Variants in PAX2 observed in about 807,000 individuals in gnomAD.
PAX2 encodes paired box protein Pax-2.
Under a neutral mutation model 41.7 loss-of-function variants are expected in PAX2, and 9 were observed. That is an observed-to-expected ratio of 0.22 (90% CI 0.13 to 0.38). The LOEUF is 0.38. PAX2 is among the 10% of genes least tolerant of loss of function. PAX2 has a pLI of 1.00. For synonymous variants in PAX2, 221 were observed against 212.7 expected, an observed-to-expected ratio of 1.04 and a Z score of -0.34; for missense variants, 418 against 531.6, an observed-to-expected ratio of 0.79 and a Z score of 2.10.
At chr10:100,772,326 G>A (rs979418006) in intron 3 of PAX2, among the ~76,000 whole-genome samples, 18 of 151,948 alleles carry the variant, frequency 1.2e-4, no homozygotes, top group Non-Finnish European at 1.9e-4. Flanking sequence ...GCTAATTTTT[G>A]TATTTTCAGT....
At position 100,824,818 on chromosome 10, in the gene PAX2, G is replaced by A. The variant is rs1464151413; in HGVS notation, c.1021+69G>A. 2.7e-6 allele frequency: 4 copies of A among 1,492,956 alleles called. No homozygotes were observed. The highest frequency in any genetic ancestry group is 3.7e-6 in the Non-Finnish European group (4 of 1,069,716). 92.5% of individuals were successfully genotyped at this position (1,492,956 alleles called of 1,614,324 possible). A position where few individuals can be genotyped will look rare whatever the true frequency, so the allele number is the denominator to read the frequency against. ...TAAATTGTGGGTGAGCTGCTGAATG[G>A]TCTGTAGTCTGAGGCTGGGGTGGGG... On this transcript the variant is annotated intron_variant, in intron 8 of 9. Transcript: ENST00000355243. The surrounding 1 kb of genome is among the most constrained non-coding windows in gnomAD (Gnocchi z 6.6).
At position 100,745,715 on chromosome 10, in the gene PAX2, G is replaced by T. The variant is rs2133821898; in HGVS notation, c.-546G>T. ...TGCGCCTGCCTTTTCCGGGGGCGGG[G>T]GCCTGGCCCGCGCGCTCCCCTCCCG... On this transcript the variant is annotated 5_prime_UTR_variant, in exon 1 of 10. Transcript: ENST00000355243. 1 of 1,026,202 alleles carries T rather than the reference G, an allele frequency of 9.7e-7. No individual in the cohort carries two copies. The highest frequency in any genetic ancestry group is 5.8e-5 in the Admixed American group (1 of 17,346). 63.6% of individuals were successfully genotyped at this position (1,026,202 alleles called of 1,614,324 possible). A position where few individuals can be genotyped will look rare whatever the true frequency, so the allele number is the denominator to read the frequency against.
At chr10:100,822,335 GA>G (rs1359913522) in intron 7 of PAX2, among the ~76,000 whole-genome samples, 1 of 151,926 alleles carries the variant, frequency 6.6e-6, no homozygotes, top group Admixed American at 6.6e-5. Flanking sequence ...GTTTTTTAAA[GA>G]AAAAGCATAT....
intron 3 of PAX2, among the ~76,000 whole-genome samples, chr10:100,774,844 C>T (rs1846327873): frequency 1.3e-5 from 2 of 152,194 alleles, no homozygotes; most frequent in Non-Finnish European, 2.9e-5. Flanking sequence ...CAGGCTGAGC[C>T]CAGAACCCAT....
chr10:100,812,175 G>A (rs1185325878), intron 7 of PAX2, among the ~76,000 whole-genome samples: 2 of 152,182 alleles, frequency 1.3e-5, no homozygotes, highest in African/African-American at 2.4e-5. Context: ...TCAGGGAACC[G>A]AGGAGAGAGA....
At chr10:100,759,030 G>A (rs1845743355) in intron 3 of PAX2, among the ~76,000 whole-genome samples, 1 of 152,174 alleles carries the variant, frequency 6.6e-6, no homozygotes, top group African/African-American at 2.4e-5. Flanking sequence ...GTGGAAGGAA[G>A]GGCGCTGCCT....
At chr10:100,779,612 C>CT in intron 4 of PAX2, 29 bp downstream of exon 4, 1 of 1,496,658 alleles carries the variant, frequency 6.7e-7, no homozygotes, top group Non-Finnish European at 9.1e-7. Context: ...GGGGAGGAAA[C>CT]CAGATCCCAC....
rs935964700 is a variant in PAX2 at position 100,745,979 on chromosome 10, C to T, written c.-282C>T. The stretch of plus-strand genomic sequence containing the variant: ...CGAGCCATGCGCCCCCAGTGCACCC[C>T]GGCCCGGCCCACCGCCCCGGGGCCA... On this transcript the variant is annotated 5_prime_UTR_variant, in exon 1 of 10. Coordinates refer to ENST00000355243, the MANE Select transcript of PAX2 (RefSeq NM_000278.5). 1 of 1,338,294 alleles carries T rather than the reference C, an allele frequency of 7.5e-7. No individual in the cohort carries two copies. The highest frequency in any genetic ancestry group is 9.5e-7 in the Non-Finnish European group (1 of 1,048,886). The allele number at this position is 1,338,294 out of a possible 1,614,324, so 82.9% of individuals were successfully genotyped here.
chr10:100,768,852 G>A (rs1846112119), intron 3 of PAX2, among the ~76,000 whole-genome samples: 1 of 152,212 alleles, frequency 6.6e-6, no homozygotes, highest in African/African-American at 2.4e-5. Context: ...CTTTGGGCAA[G>A]TTGCTTGGCC....
At chr10:100,790,292 G>T (rs574168598) in intron 5 of PAX2, among the ~76,000 whole-genome samples, 1 of 152,300 alleles carries the variant, frequency 6.6e-6, no homozygotes, top group South Asian at 2.1e-4. Context: ...AATTGGGGTG[G>T]GCGGGTGTAG....
intron 5 of PAX2, among the ~76,000 whole-genome samples, chr10:100,790,608 G>T (rs76517995): frequency 1.3e-5 from 2 of 152,160 alleles, no homozygotes; most frequent in Non-Finnish European, 2.9e-5. Context: ...CTCCCTGGGC[G>T]CCTCTTCCTC....
intron 3 of PAX2, among the ~76,000 whole-genome samples, chr10:100,763,653 T>A (rs1845911447): frequency 6.6e-6 from 1 of 152,220 alleles, no homozygotes; most frequent in African/African-American, 2.4e-5. Context: ...AGGGAGTCCA[T>A]TTTGCCATTT....
chr10:100,738,968 C>T (rs553556044), intron 1 of PAX2, among the ~76,000 whole-genome samples: 56 of 151,862 alleles, frequency 3.7e-4, no homozygotes, highest in South Asian at 1.0e-3. Flanking sequence ...GAGGGCCCTC[C>T]TTCCCCCTTT....
At chr10:100,781,094 C>A (rs1178284954) in intron 4 of PAX2, 152 bp from the exon 5 acceptor site, 8 of 801,680 alleles carry the variant, frequency 1.0e-5, no homozygotes, top group South Asian at 8.2e-5. Flanking sequence ...TTAAATAGAC[C>A]CCAGAGGAAG....
intron 5 of PAX2, among the ~76,000 whole-genome samples, chr10:100,788,461 C>T (rs1212474253): frequency 1.3e-5 from 2 of 152,246 alleles, no homozygotes; most frequent in Non-Finnish European, 2.9e-5. Flanking sequence ...CCTGGCTTCC[C>T]AGGCCCTGGG....
At position 100,789,481 on chromosome 10, in the gene PAX2, C is replaced by G. The variant is rs190721685; in HGVS notation, c.616+8116C>G. On this transcript the variant is annotated intron_variant, in intron 5 of 9. Transcript: ENST00000355243. ...TCTATGATTTCACACACTGTACTAT[C>G]TAGCACATCACAGACTCTCCCCTCC... Among the ~76,000 whole-genome samples, 345 of 152,322 alleles carry G rather than the reference C, an allele frequency of 2.3e-3. 4 individuals carry two copies. Among genetic ancestry groups the G allele is most frequent in the Admixed American group, 3.6e-3 (55 of 15,296 alleles).
rs898747855 is a variant in PAX2, at chr10:100,748,901, C to G, written c.44-845C>G. On this transcript the variant is annotated intron_variant, in intron 1 of 9. Coordinates refer to ENST00000355243, the MANE Select transcript of PAX2 (RefSeq NM_000278.5). This position sits in a 1 kb window ranked among gnomAD's most constrained non-coding sequence, Gnocchi z 5.0. ...CGAGGCCTATGCCGTGCCACCTGGG[C>G]GAGACGGTGGGCCCCAACCAGGCTC... is the stretch of plus-strand genomic sequence containing the variant. 2 of 985,268 alleles carry G rather than the reference C, an allele frequency of 2.0e-6. No individual in the cohort carries two copies. The highest frequency in any genetic ancestry group is 1.7e-5 in the African/African-American group (1 of 57,204). The allele number at this position is 985,268 out of a possible 1,614,324, so 61.0% of individuals were successfully genotyped here.
At chr10:100,753,044 G>A (rs1845497504) in intron 3 of PAX2, among the ~76,000 whole-genome samples, 1 of 152,152 alleles carries the variant, frequency 6.6e-6, no homozygotes, top group Non-Finnish European at 1.5e-5. Context: ...ATCACCTGAG[G>A]GGCACACAGG....
In PAX2 at chr10:100,791,792, C is replaced by T. The variant is rs1261870616; in HGVS notation, c.616+10427C>T. On this transcript the variant is annotated intron_variant, in intron 5 of 9. Transcript: ENST00000355243. This position sits in a 1 kb window ranked among gnomAD's most constrained non-coding sequence, Gnocchi z 4.5. ...CCTTTCTTCCCTCCTCACCTGCCAT[C>T]TCCATCTCTTTAGGCAGAGTGCCCA... 6.6e-6 allele frequency among the ~76,000 whole-genome samples: 1 copy of T among 152,224 alleles called. No homozygotes were observed. Among genetic ancestry groups the T allele is most frequent in the Admixed American group, 6.5e-5 (1 of 15,292 alleles).
Sources: gnomAD v4.1 joint callset for allele counts (sites outside exome capture counted in the v4.1 genomes callset) on GRCh38, gnomAD v4.1.1 for gene constraint, Gnocchi (gnomAD v3.1) non-coding constraint, MANE v1.5 for transcripts, NCBI Gene and HGNC (gene_info 2026-07-23, HGNC 2026-07-21) for gene names.